Variants in CATSPERB observed in about 807,000 individuals in gnomAD.
The protein encoded by CATSPERB is catsper channel auxiliary subunit beta.
In CATSPERB, 93 loss-of-function variants were observed where a neutral mutation model predicts 128.3. The ratio of observed to expected loss-of-function variants is 0.72; its 90% CI spans 0.61 to 0.86. The LOEUF (loss-of-function observed/expected upper bound fraction) is 0.86. CATSPERB is among the 40% of genes least tolerant of loss of function. CATSPERB has a pLI of 0.00. For missense variants in CATSPERB, 1,153 were observed against 1,329.5 expected, an observed-to-expected ratio of 0.87 and a Z score of 2.06; for synonymous variants, 381 against 448.8, an observed-to-expected ratio of 0.85 and a Z score of 1.91.
intron 7 of CATSPERB, among the ~76,000 whole-genome samples, chr14:91,699,420 G>A (rs568906075): frequency 2.6e-5 from 4 of 151,646 alleles, no homozygotes; most frequent in African/African-American, 7.3e-5. Context: ...ATTTTTCACA[G>A]AATTAGAAAA....
rs115407563 is a variant in CATSPERB at position 91,591,644 on chromosome 14, G to A, written c.2820+248C>T. Among the ~76,000 whole-genome samples the A allele has an allele frequency of 1.1e-4, 17 of 152,000 alleles. 2 individuals carry two copies. The Middle Eastern group carries it at 0.01, about 91-fold the overall frequency. On this transcript the variant is annotated intron_variant, in intron 23 of 26. Transcript: ENST00000256343. ...TGTGTGTGGGTGTGGGTGTGTGTGC[G>A]TCTTTATACAAATGCTGTGGAATGG...
chr14:91,662,464 C>A (rs1894903395), intron 14 of CATSPERB, among the ~76,000 whole-genome samples: 1 of 152,154 alleles, frequency 6.6e-6, no homozygotes, highest in African/African-American at 2.4e-5. Context: ...TATTCATAGA[C>A]ATCTGGATTA....
chr14:91,703,235 T>C (rs1895679695), intron 7 of CATSPERB, among the ~76,000 whole-genome samples: 1 of 152,244 alleles, frequency 6.6e-6, no homozygotes, highest in Non-Finnish European at 1.5e-5. Flanking sequence ...CTATTAGTAG[T>C]TGAAATGTGT....
At chr14:91,604,580 G>A (rs745436560) in intron 22 of CATSPERB, 10 of 1,610,382 alleles carry the variant, frequency 6.2e-6, no homozygotes, top group Non-Finnish European at 8.5e-6. Context: ...GGACTGCAGA[G>A]ATTCCTCTCC....
intron 7 of CATSPERB, among the ~76,000 whole-genome samples, chr14:91,694,567 G>T (rs1365325899): frequency 1.3e-5 from 2 of 150,142 alleles, no homozygotes; most frequent in African/African-American, 4.9e-5. Context: ...TAAGCATAAA[G>T]ATGCTCCTAT....
chr14:91,640,583 T>C (rs1300217243), intron 15 of CATSPERB, among the ~76,000 whole-genome samples: 1 of 93,390 alleles, frequency 1.1e-5, no homozygotes, highest in Non-Finnish European at 2.2e-5. Flanking sequence ...CTCATCATTT[T>C]TTATGGCTGC....
chr14:91,587,974 T>C lies in CATSPERB; in HGVS notation c.3057+4A>G. The C allele has an allele frequency of 1.9e-6, 3 of 1,576,024 alleles. No individual in the cohort carries two copies. The highest frequency in any genetic ancestry group is 2.2e-5 in the South Asian group (2 of 89,566). On this transcript the variant is annotated splice_donor_region_variant and intron_variant, in intron 25 of 26. Transcript: ENST00000256343. ...CACAGTAAAAACAACAATGCCATCATTACCTTTATGCTTAAGTTGAGACCT... is the reference window on the plus strand; with the variant it reads ...CACAGTAAAAACAACAATGCCATCACTACCTTTATGCTTAAGTTGAGACCT...
intron 5 of CATSPERB, among the ~76,000 whole-genome samples, chr14:91,716,970 T>C (rs1244401344): frequency 1.3e-5 from 2 of 152,218 alleles, no homozygotes; most frequent in African/African-American, 4.8e-5. Context: ...GCAGTAGCTT[T>C]ATTCATAATT....
At position 91,693,186 on chromosome 14, in the gene CATSPERB, G is replaced by A. The variant is rs1895499499; in HGVS notation, c.771C>T (p.Leu257=). 2 of 1,613,912 alleles carry A rather than the reference G, an allele frequency of 1.2e-6. No homozygotes were observed. The highest frequency in any genetic ancestry group is 8.5e-7 in the Non-Finnish European group (1 of 1,179,888). The change falls in exon 9 of 27, where the codon CTC becomes CTT. Residue 257 remains leucine (L), a synonymous_variant. Coordinates refer to ENST00000256343, the MANE Select transcript of CATSPERB (RefSeq NM_024764.4). Reference sequence around the variant, plus strand: ...CACTTACAAAAAGGCCCAAAGAGGTGAGGATAACTAAAAAATGATTCGTTA... The same window carrying A: ...CACTTACAAAAAGGCCCAAAGAGGTAAGGATAACTAAAAAATGATTCGTTA... ...MVLTNHFLVI[L]TSLGLFVSED...
rs188179243 is a variant in CATSPERB at position 91,601,628 on chromosome 14, T to C, written c.2709+6666A>G. 1.0e-3 allele frequency among the ~76,000 whole-genome samples: 156 copies of C among 152,300 alleles called. 1 individual carries two copies. Among genetic ancestry groups the C allele is most frequent in the African/African-American group, 3.7e-3 (152 of 41,584 alleles). On this transcript the variant is annotated intron_variant, in intron 22 of 26. Transcript: ENST00000256343. ...GAATCTAGGGATCTGATTCTCACAT[T>C]AGAGGATAATAATATCTTCCTAAAG...
intron 22 of CATSPERB, among the ~76,000 whole-genome samples, chr14:91,600,927 C>G (rs1893598747): frequency 6.6e-6 from 1 of 152,182 alleles, no homozygotes; most frequent in Non-Finnish European, 1.5e-5. Context: ...TTGCCTGTTT[C>G]AAGTGGTTAT....
At chr14:91,651,469 T>C (rs186482895) in intron 15 of CATSPERB, among the ~76,000 whole-genome samples, 9 of 152,370 alleles carry the variant, frequency 5.9e-5, no homozygotes, top group African/African-American at 2.2e-4. Flanking sequence ...ATAGTCCCCT[T>C]GTAAAGCTTC....
At chr14:91,652,919 G>C (rs1894732319) in intron 15 of CATSPERB, among the ~76,000 whole-genome samples, 1 of 152,086 alleles carries the variant, frequency 6.6e-6, no homozygotes, top group African/African-American at 2.4e-5. Context: ...TTAAACAAAA[G>C]CTTTATTGAC....
Position 91,674,161 on chromosome 14 carries a change from T to C in CATSPERB, c.978+15A>G, listed in dbSNP as rs1235688783. ...CAACAAAATTTCTTAACTTATAAAA[T>C]ATTCAATATCATACCTCACTTAGGG... On this transcript the variant is annotated intron_variant, in intron 12 of 26. Coordinates refer to ENST00000256343, the MANE Select transcript of CATSPERB (RefSeq NM_024764.4). The C allele has an allele frequency of 2.1e-6, 3 of 1,428,716 alleles. No homozygotes were observed. Among genetic ancestry groups the C allele is most frequent in the African/African-American group, 1.4e-5 (1 of 69,108 alleles). The allele number at this position is 1,428,716 out of a possible 1,614,324, so 88.5% of individuals were successfully genotyped here. A position where few individuals can be genotyped will look rare whatever the true frequency, so the allele number is the denominator to read the frequency against.
chr14:91,600,569 C>T (rs997389996), intron 22 of CATSPERB, among the ~76,000 whole-genome samples: 4 of 152,176 alleles, frequency 2.6e-5, no homozygotes, highest in African/African-American at 7.2e-5. Context: ...GTTTTGCTCA[C>T]GATAGCAATT....
chr14:91,598,375 A>G lies in CATSPERB; in HGVS notation c.2710-6373T>C, dbSNP rs116210615. 6.2e-3 allele frequency among the ~76,000 whole-genome samples: 949 copies of G among 152,120 alleles called. 8 individuals carry two copies. The highest frequency in any genetic ancestry group is 0.022 in the African/African-American group (910 of 41,506). On this transcript the variant is annotated intron_variant, in intron 22 of 26. Transcript: ENST00000256343. ...ATATATATTTATTGGAAAATACTCAATGAGATATCTATTATTTAATTTAAT... is the reference window on the plus strand; with the variant it reads ...ATATATATTTATTGGAAAATACTCAGTGAGATATCTATTATTTAATTTAAT...
chr14:91,606,266 G>A (rs768693565), intron 22 of CATSPERB, among the ~76,000 whole-genome samples: 45 of 152,148 alleles, frequency 3.0e-4, no homozygotes, highest in Admixed American at 1.1e-3. Flanking sequence ...AAGATGCATC[G>A]TAGAAATATT....
At chr14:91,603,505 G>T in intron 22 of CATSPERB, 3 of 1,016,020 alleles carry the variant, frequency 3.0e-6, no homozygotes, top group Non-Finnish European at 4.6e-6. Context: ...AAACTCTGCA[G>T]CTGAAATGCC....
intron 7 of CATSPERB, among the ~76,000 whole-genome samples, 169 bp downstream of exon 7, chr14:91,704,383 T>A (rs998621137): frequency 6.6e-6 from 1 of 152,340 alleles, no homozygotes; most frequent in East Asian, 1.9e-4. Context: ...ACTTAGTATA[T>A]CATACTTGGA....
Sources: gnomAD v4.1 joint callset for allele counts (sites outside exome capture counted in the v4.1 genomes callset) on GRCh38, gnomAD v4.1.1 for gene constraint, MANE v1.5 for transcripts, NCBI Gene and HGNC (gene_info 2026-07-23, HGNC 2026-07-21) for gene names.